ASB3: variants seen among roughly 807,000 people sequenced by gnomAD.
The protein encoded by ASB3 is ankyrin repeat and SOCS box protein 3.
Under a neutral mutation model 54.5 loss-of-function variants are expected in ASB3, and 41 were observed. The ratio of observed to expected loss-of-function variants is 0.75; its 90% CI spans 0.59 to 0.98. ASB3 has a LOEUF of 0.98. Ranked by LOEUF, ASB3 falls within the 50% of genes least tolerant of loss-of-function variation. The pLI is 0.00. For synonymous variants in ASB3, 266 were observed against 221.2 expected, an observed-to-expected ratio of 1.20 and a Z score of -1.80; for missense variants, 733 against 620.0, an observed-to-expected ratio of 1.18 and a Z score of -1.94.
intron 1 of ASB3, chr2:53,767,730 T>G: frequency 2.4e-6 from 2 of 822,848 alleles, no homozygotes; most frequent in Non-Finnish European, 3.7e-6. Context: ...GCTCGGAAAA[T>G]CTTTCTGGAT....
At chr2:53,755,825 G>A (rs1434058215) in intron 2 of ASB3, among the ~76,000 whole-genome samples, 1 of 152,098 alleles carries the variant, frequency 6.6e-6, no homozygotes, top group African/African-American at 2.4e-5. Context: ...AACACCGAAG[G>A]ATTAATATCC....
intron 1 of ASB3, among the ~76,000 whole-genome samples, chr2:53,783,512 CAAG>C (rs1674769655): frequency 6.6e-6 from 1 of 150,966 alleles, no homozygotes; most frequent in Non-Finnish European, 1.5e-5. Flanking sequence ...CATAGAGTGC[CAAG>C]AAGGATGAAT....
intron 3 of ASB3, among the ~76,000 whole-genome samples, chr2:53,734,788 G>A (rs190792636): frequency 2.3e-4 from 35 of 152,130 alleles, no homozygotes; most frequent in African/African-American, 7.7e-4. Flanking sequence ...CTGTTGTGGT[G>A]TTACAACTTT....
chr2:53,737,849 A>C (rs1372627335), intron 3 of ASB3, among the ~76,000 whole-genome samples: 3 of 152,214 alleles, frequency 2.0e-5, no homozygotes, highest in Admixed American at 6.5e-5. Flanking sequence ...AATTTTTTAA[A>C]ACACATCAGA....
chr2:53,761,737 C>T (rs1177441174), intron 2 of ASB3, among the ~76,000 whole-genome samples: 1 of 152,170 alleles, frequency 6.6e-6, no homozygotes, highest in Non-Finnish European at 1.5e-5. Flanking sequence ...TAGTAAATCC[C>T]CTCTTGTCTA....
At chr2:53,757,910 T>C (rs145919308) in intron 2 of ASB3, among the ~76,000 whole-genome samples, 39 of 152,300 alleles carry the variant, frequency 2.6e-4, no homozygotes, top group African/African-American at 8.2e-4. Flanking sequence ...GGCCAGGGCC[T>C]TGAAACTCAT....
In ASB3 at chr2:53,759,556, A is replaced by G. The variant is rs904670059; in HGVS notation, c.196+5821T>C. On this transcript the variant is annotated intron_variant, in intron 2 of 9. Coordinates refer to ENST00000263634, the MANE Select transcript of ASB3 (RefSeq NM_016115.5). ...GTTTTTTATAATAAAGATCAGGAGG[A>G]GCAGGCAGAACGGGATAAACGGGAT... Among the ~76,000 whole-genome samples, 5 of 152,106 alleles carry G rather than the reference A, an allele frequency of 3.3e-5. No individual in the cohort carries two copies. The East Asian group carries it at 9.7e-4, about 29-fold the overall frequency.
intron 9 of ASB3, among the ~76,000 whole-genome samples, chr2:53,677,271 T>C (rs919798392): frequency 1.3e-5 from 2 of 152,190 alleles, no homozygotes; most frequent in African/African-American, 4.8e-5. Flanking sequence ...ATTTGCACAA[T>C]GACAAAATCG....
rs746464337 is a variant in ASB3 at position 53,716,695 on chromosome 2, A to G, written c.653T>C (p.Ile218Thr). 5 of 1,614,190 alleles carry G rather than the reference A, an allele frequency of 3.1e-6. No homozygotes were observed. Among genetic ancestry groups the G allele is most frequent in the Non-Finnish European group, 4.2e-6 (5 of 1,180,012 alleles). The change falls in exon 6 of 10, where the codon ATT becomes ACT. Residue 218 changes from isoleucine (I) to threonine (T), a missense_variant. By Grantham distance (89) the Ile-to-Thr change is moderately conservative. Coordinates refer to ENST00000263634, the MANE Select transcript of ASB3 (RefSeq NM_016115.5). ...TTTTGTGTGTCCCTCTTGAGCAGCA[A>G]TGAACAAGGGTGTAGCTTTGTCCAA... is the stretch of plus-strand genomic sequence containing the variant. Reference protein sequence around the residue: ...QALDKATPLFIAAQEGHTKCV... With the variant: ...QALDKATPLFTAAQEGHTKCV...
At chr2:53,735,545 A>C (rs1352962766) in intron 3 of ASB3, among the ~76,000 whole-genome samples, 1 of 152,098 alleles carries the variant, frequency 6.6e-6, no homozygotes, top group Non-Finnish European at 1.5e-5. Context: ...CACTATTTTA[A>C]AAATATCAAT....
chr2:53,695,709 C>T (rs1669147086), intron 8 of ASB3, among the ~76,000 whole-genome samples: 1 of 151,982 alleles, frequency 6.6e-6, no homozygotes, highest in Non-Finnish European at 1.5e-5. Context: ...TTGTATAGAC[C>T]AGTTGTACAA....
intron 1 of ASB3, chr2:53,774,245 T>A: frequency 6.2e-7 from 1 of 1,614,138 alleles, no homozygotes. Flanking sequence ...ACCACAACAG[T>A]CATTTTTTAT....
chr2:53,670,711 A>C (rs775716137), intron 9 of ASB3, 21 bp from the exon 10 acceptor site: 1 of 1,589,018 alleles, frequency 6.3e-7, no homozygotes, highest in South Asian at 1.1e-5. Flanking sequence ...AAAAAAAGCA[A>C]GGTGAAACTT....
chr2:53,676,724 G>A (rs1668099040), intron 9 of ASB3, among the ~76,000 whole-genome samples: 1 of 152,072 alleles, frequency 6.6e-6, no homozygotes. Context: ...CCTAGTAAGT[G>A]CCCTATACAG....
chr2:53,735,897 C>T (rs1208411845), intron 3 of ASB3, among the ~76,000 whole-genome samples: 1 of 151,528 alleles, frequency 6.6e-6, no homozygotes, highest in Non-Finnish European at 1.5e-5. Context: ...CACTGAATAT[C>T]CATATGGGGA....
At chr2:53,775,566 C>T (rs1446280496) in intron 1 of ASB3, among the ~76,000 whole-genome samples, 3 of 152,338 alleles carry the variant, frequency 2.0e-5, no homozygotes, top group African/African-American at 7.2e-5. Flanking sequence ...GCCTTCACCT[C>T]CCAGGTTCAA....
rs932557967 is a variant in ASB3, at chr2:53,674,576, C to G, written c.1370-3886G>C. On this transcript the variant is annotated intron_variant, in intron 9 of 9. Coordinates refer to ENST00000263634, the MANE Select transcript of ASB3 (RefSeq NM_016115.5). The stretch of plus-strand genomic sequence containing the variant: ...AAAACTATATCTATATCATACACAC[C>G]CACTATATTTTCTACATTCATCTTT... Among the ~76,000 whole-genome samples the G allele has an allele frequency of 3.9e-5, 6 of 152,204 alleles. No individual in the cohort carries two copies. The South Asian group carries it at 1.2e-3, about 32-fold the overall frequency.
chr2:53,756,006 A>C (rs1271852932), intron 2 of ASB3, among the ~76,000 whole-genome samples: 1 of 148,976 alleles, frequency 6.7e-6, no homozygotes, highest in Admixed American at 6.7e-5. Context: ...AAAATATAGA[A>C]AATAAAAAAA....
chr2:53,702,307 T>TA (rs1558525970), intron 7 of ASB3, among the ~76,000 whole-genome samples: 1 of 152,144 alleles, frequency 6.6e-6, no homozygotes, highest in African/African-American at 2.4e-5. Flanking sequence ...TGCCCTGAGC[T>TA]TCTGGGAAGG....
Sources: gnomAD v4.1 joint callset for allele counts (sites outside exome capture counted in the v4.1 genomes callset) on GRCh38, gnomAD v4.1.1 for gene constraint, MANE v1.5 for transcripts, NCBI Gene and HGNC (gene_info 2026-07-23, HGNC 2026-07-21) for gene names.